The following ZNF292 variants were observed in gnomAD, a reference collection of about 807,000 sequenced individuals.
ZNF292 encodes the protein 16 zinc-finger domain protein.
A neutral mutation model predicts 217.9 loss-of-function variants in ZNF292; 26 were observed. The ratio of observed to expected loss-of-function variants is 0.12; its 90% CI spans 0.09 to 0.17. ZNF292 has a LOEUF of 0.17. Ranked by LOEUF, ZNF292 falls within the 10% of genes least tolerant of loss-of-function variation. The probability of loss-of-function intolerance (pLI) is 1.00; values close to 1 mark genes in which losing one functional copy is unlikely to be tolerated. For synonymous variants in ZNF292, 1,257 were observed against 1,124.1 expected, an observed-to-expected ratio of 1.12 and a Z score of -2.37; for missense variants, 2,904 against 3,175.2, an observed-to-expected ratio of 0.91 and a Z score of 2.05.
At position 87,254,483 on chromosome 6, in the gene ZNF292, C is replaced by T. The variant is rs111683512; in HGVS notation, c.1021-167C>T. ...CTGCCCTTCTATGCAGTTCATTTTA[C>T]ATACACACATACCAGACTAAGCTGC... On this transcript the variant is annotated intron_variant, in intron 7 of 7. Transcript: ENST00000369577. Among the ~76,000 whole-genome samples, 337 of 152,346 alleles carry T rather than the reference C, an allele frequency of 2.2e-3. 2 individuals carry two copies. The highest frequency in any genetic ancestry group is 3.2e-3 in the Non-Finnish European group (215 of 68,024).
At chr6:87,238,615 G>A (rs955012438) in intron 5 of ZNF292, among the ~76,000 whole-genome samples, 2 of 137,942 alleles carry the variant, frequency 1.4e-5, no homozygotes, top group African/African-American at 5.3e-5. Flanking sequence ...TATTTTTTTG[G>A]TTTTTTTTTT....
chr6:87,164,803 C>T (rs1454662021), intron 1 of ZNF292, among the ~76,000 whole-genome samples: 2 of 138,794 alleles, frequency 1.4e-5, no homozygotes, highest in Non-Finnish European at 3.0e-5. Context: ...TGCTCTGTCG[C>T]ACAGGCTGGA....
Position 87,260,942 on chromosome 6 carries a change from C to T in ZNF292, c.7313C>T (p.Thr2438Met), listed in dbSNP as rs766133508. The change falls in exon 8 of 8, where the codon ACG becomes ATG. Residue 2438 changes from threonine (T) to methionine (M), a missense_variant. Physicochemically the swap from Thr to Met is moderately conservative, Grantham distance 81. Around this residue, in one of 15 missense-constraint regions of ZNF292, gnomAD observed 380 missense variants for 355.3 expected, o/e 1.07. Transcript: ENST00000369577. The part of the protein sequence containing the change: ...KRCCNSQVKE[T>M]SEQEGAKNDV... ...TGTTGCAACTCACAAGTAAAGGAAA[C>T]GTCTGAGCAAGAAGGTGCTAAGAAT... 6.8e-6 allele frequency: 11 copies of T among 1,610,592 alleles called. 1 individual carries two copies. Among genetic ancestry groups the T allele is most frequent in the African/African-American group, 5.3e-5 (4 of 74,908 alleles).
At chr6:87,207,448 T>C (rs1382146378) in intron 1 of ZNF292, among the ~76,000 whole-genome samples, 1 of 152,212 alleles carries the variant, frequency 6.6e-6, no homozygotes, top group African/African-American at 2.4e-5. Flanking sequence ...ATTTCAAGTT[T>C]GTAGTTTTCT....
chr6:87,208,070 A>G (rs58269367), intron 1 of ZNF292, among the ~76,000 whole-genome samples: 12,445 of 152,188 alleles, frequency 0.082, 860 homozygotes, highest in African/African-American at 0.19. Flanking sequence ...AATAGTTACA[A>G]TCGTTGGATA....
intron 1 of ZNF292, among the ~76,000 whole-genome samples, chr6:87,180,460 C>T (rs146637278): frequency 1.3e-5 from 2 of 152,300 alleles, no homozygotes; most frequent in African/African-American, 4.8e-5. Flanking sequence ...CTCACAGCCC[C>T]AGCGTCAGCT....
chr6:87,185,068 T>C (rs1288429393), intron 1 of ZNF292, among the ~76,000 whole-genome samples: 1 of 152,204 alleles, frequency 6.6e-6, no homozygotes, highest in Non-Finnish European at 1.5e-5. Context: ...AACAGGTTTT[T>C]AGGTATTCCT....
At position 87,259,455 on chromosome 6, in the gene ZNF292, G is replaced by A; in HGVS notation, c.5826G>A (p.Leu1942=). The A allele has an allele frequency of 6.3e-7, 1 of 1,590,280 alleles. No individual in the cohort carries two copies. The highest frequency in any genetic ancestry group is 1.3e-5 in the African/African-American group (1 of 74,502). The change falls in exon 8 of 8, where the codon TTG becomes TTA. Residue 1942 remains leucine (L), a synonymous_variant. Transcript: ENST00000369577. ...EMILEIKKNQ[L]KFAPFKCVVP... is the part of the protein sequence containing the mutation. Reference sequence around the variant, plus strand: ...TTCTTGAAATTAAGAAGAATCAATTGAAATTTGCTCCCTTTAAATGTGTAG... The same window carrying A: ...TTCTTGAAATTAAGAAGAATCAATTAAAATTTGCTCCCTTTAAATGTGTAG...
At chr6:87,200,517 G>A (rs572244899) in intron 1 of ZNF292, among the ~76,000 whole-genome samples, 1 of 152,276 alleles carries the variant, frequency 6.6e-6, no homozygotes, top group South Asian at 2.1e-4. Context: ...AATTAGGTTA[G>A]CATCAAACAT....
intron 1 of ZNF292, among the ~76,000 whole-genome samples, chr6:87,192,543 C>T (rs1463259181): frequency 6.6e-6 from 1 of 152,048 alleles, no homozygotes; most frequent in African/African-American, 2.4e-5. Flanking sequence ...ATACCCAGAC[C>T]CCTCTAGGAA....
chr6:87,198,186 T>G (rs1328892436), intron 1 of ZNF292, among the ~76,000 whole-genome samples: 1 of 35,086 alleles, frequency 2.9e-5, no homozygotes, highest in Non-Finnish European at 5.4e-5. Context: ...TTTATTTTAT[T>G]TATTTATTTA....
At position 87,260,987 on chromosome 6, in the gene ZNF292, C is replaced by A. The variant is rs1432422417; in HGVS notation, c.7358C>A (p.Thr2453Lys). 6.2e-7 allele frequency: 1 copy of A among 1,607,384 alleles called. No homozygotes were observed. Among genetic ancestry groups the A allele is most frequent in the South Asian group, 1.1e-5 (1 of 90,114 alleles). The change falls in exon 8 of 8, where the codon ACG becomes AAG. Residue 2453 changes from threonine to lysine, a missense_variant. By Grantham distance (78) the Thr-to-Lys change is moderately conservative (BLOSUM62 -1). Coordinates refer to ENST00000369577, the MANE Select transcript of ZNF292 (RefSeq NM_015021.3). ...AAGAATGATGTGAAAGATTCTGACA[C>A]GTGTGTATCAGAGAGCAATGATAAT... ...GAKNDVKDSDTCVSESNDNSR... is the reference protein window; with the variant it reads ...GAKNDVKDSDKCVSESNDNSR...
intron 5 of ZNF292, among the ~76,000 whole-genome samples, chr6:87,236,405 TA>T (rs3831157): frequency 0.071 from 10,156 of 143,792 alleles, 523 homozygotes; most frequent in African/African-American, 0.15. Flanking sequence ...TTTTTTTTTT[TA>T]AAAAAGAAAA....
intron 4 of ZNF292, among the ~76,000 whole-genome samples, chr6:87,221,284 A>G (rs1189397783): frequency 1.3e-5 from 2 of 152,154 alleles, no homozygotes; most frequent in Admixed American, 6.5e-5. Context: ...TATCAAAGGA[A>G]CTTTAGGCAT....
chr6:87,204,498 C>A (rs1772184370), intron 1 of ZNF292, among the ~76,000 whole-genome samples: 1 of 130,910 alleles, frequency 7.6e-6, no homozygotes. Context: ...GTGATTGTTT[C>A]AAAAATTTTT....
At chr6:87,157,555 A>C (rs932693491) in intron 1 of ZNF292, among the ~76,000 whole-genome samples, 1 of 152,284 alleles carries the variant, frequency 6.6e-6, no homozygotes, top group Admixed American at 6.5e-5. Context: ...AATTACTGTA[A>C]ATTCTTTTTT....
rs1473873795 is a variant in ZNF292 at position 87,261,743 on chromosome 6, A to G, written c.8114A>G (p.Asp2705Gly). The G allele has an allele frequency of 1.2e-6, 2 of 1,613,034 alleles. No homozygotes were observed. Among genetic ancestry groups the G allele is most frequent in the Non-Finnish European group, 1.7e-6 (2 of 1,179,270 alleles). Residue 2705 changes from aspartate (D) to glycine (G), a missense_variant, in exon 8 of 8, where the codon GAT (aspartate) becomes GGT (glycine). By Grantham distance (94) the Asp-to-Gly change is moderately conservative. Around this residue, in one of 15 missense-constraint regions of ZNF292, gnomAD observed 380 missense variants for 355.3 expected, o/e 1.07. Coordinates refer to ENST00000369577, the MANE Select transcript of ZNF292 (RefSeq NM_015021.3). ...CTTGAAGTACATTCAAATGATCCAG[A>G]TATGTCTGTTATGAAAGATATCAGT... The part of the protein sequence containing the change: ...KKLEVHSNDP[D>G]MSVMKDISIG...
intron 1 of ZNF292, among the ~76,000 whole-genome samples, chr6:87,168,672 G>C (rs566355354): frequency 6.6e-5 from 10 of 152,234 alleles, no homozygotes; most frequent in Non-Finnish European, 1.5e-4. Context: ...GTTTCACCAT[G>C]TTCGCCAGGC....
chr6:87,197,774 A>G (rs1288495331), intron 1 of ZNF292, among the ~76,000 whole-genome samples: 2 of 147,196 alleles, frequency 1.4e-5, no homozygotes, highest in Non-Finnish European at 3.0e-5. Context: ...GTTAGTTTCA[A>G]TTTTTTATCT....
Sources: gnomAD v4.1 joint callset for allele counts (sites outside exome capture counted in the v4.1 genomes callset) on GRCh38, gnomAD v4.1.1 for gene constraint, gnomAD v4.1.1 regional missense constraint, MANE v1.5 for transcripts, NCBI Gene and HGNC (gene_info 2026-07-23, HGNC 2026-07-21) for gene names.